Variants in N4BP2 observed in about 807,000 individuals in gnomAD.
N4BP2 encodes the protein NEDD4-binding protein 2.
Under a neutral mutation model 152.8 loss-of-function variants are expected in N4BP2, and 91 were observed. The ratio of observed to expected loss-of-function variants is 0.60; its 90% CI spans 0.50 to 0.71. N4BP2 has a LOEUF of 0.71. N4BP2 is among the 30% of genes least tolerant of loss of function. N4BP2 has a pLI of 0.00. For synonymous variants in N4BP2, 646 were observed against 705.3 expected (o/e 0.92, Z 1.33); for missense variants, 1,923 against 2,059.1 (o/e 0.93, Z 1.28).
the N4BP2 span, among the ~76,000 whole-genome samples, chr4:40,169,930 C>T: frequency 1.4e-5 from 2 of 146,384 alleles, no homozygotes; most frequent in African/African-American, 2.5e-5. Context: ...CACCATTGCA[C>T]TCCAGCCTGG....
At position 40,102,836 on chromosome 4, in the gene N4BP2, C is replaced by G; in HGVS notation, c.991C>G (p.His331Asp). Residue 331 changes from histidine to aspartate, a missense_variant, in exon 4 of 18, where the codon CAT (histidine) becomes GAT (aspartate). His to Asp is a moderately conservative substitution (Grantham distance 81). Transcript: ENST00000261435. ...SEGFNFKPHK[H>D]PELPTKGKDV... is the part of the protein sequence containing the mutation. ...AGGGTTCAACTTCAAGCCACACAAA[C>G]ATCCTGAACTGCCAACTAAGGGGAA... 1 of 1,614,184 alleles carries G rather than the reference C, an allele frequency of 6.2e-7. No individual in the cohort carries two copies. Among genetic ancestry groups the G allele is most frequent in the Non-Finnish European group, 8.5e-7 (1 of 1,180,040 alleles).
intron 4 of N4BP2, among the ~76,000 whole-genome samples, chr4:40,104,142 C>T (rs1199579389): frequency 6.6e-6 from 1 of 151,860 alleles, no homozygotes. Context: ...TTAGTAGAGA[C>T]GGGGTTTCAC....
chr4:40,097,497 A>G lies in N4BP2; in HGVS notation c.157A>G (p.Ser53Gly). Residue 53 changes from serine to glycine, a missense_variant, in exon 3 of 18, where the codon AGT becomes GGT. By Grantham distance (56) the Ser-to-Gly change is moderately conservative. Transcript: ENST00000261435. ...TKVDQEELFTSISEIFSDLDP... is the reference protein window; with the variant it reads ...TKVDQEELFTGISEIFSDLDP... ...AGTTGATCAGGAAGAACTCTTCACC[A>G]GTATCTCAGAGATATTTTCTGATCT... 1 of 1,614,036 alleles carries G rather than the reference A, an allele frequency of 6.2e-7. No individual in the cohort carries two copies. Among genetic ancestry groups the G allele is most frequent in the Non-Finnish European group, 8.5e-7 (1 of 1,179,922 alleles).
At chr4:40,069,316 G>A (rs984158270) in intron 1 of N4BP2, among the ~76,000 whole-genome samples, 18 of 151,652 alleles carry the variant, frequency 1.2e-4, no homozygotes, top group Admixed American at 1.2e-3. Flanking sequence ...GTTCTTGCCT[G>A]TAATCCCAGC....
At chr4:40,074,082 G>A (rs767187834) in intron 2 of N4BP2, among the ~76,000 whole-genome samples, 2 of 150,858 alleles carry the variant, frequency 1.3e-5, no homozygotes, top group African/African-American at 4.9e-5. Context: ...GTGAGCCACC[G>A]AGCCCTGCTT....
At chr4:40,076,838 C>T (rs1456628951) in intron 2 of N4BP2, among the ~76,000 whole-genome samples, 1 of 152,176 alleles carries the variant, frequency 6.6e-6, no homozygotes, top group East Asian at 1.9e-4. Flanking sequence ...GAGATTTTAG[C>T]ATCTACCTTT....
intron 1 of N4BP2, among the ~76,000 whole-genome samples, chr4:40,067,356 CTT>C (rs34777132): frequency 2.6e-3 from 376 of 145,456 alleles, no homozygotes; most frequent in Non-Finnish European, 2.8e-3. Context: ...GCCTGGCCTC[CTT>C]TTTTTTTTTT....
chr4:40,120,116 A>G lies in N4BP2; in HGVS notation c.2005A>G (p.Asn669Asp). Residue 669 changes from asparagine to aspartate, a missense_variant, in exon 9 of 18, where the codon AAT (asparagine) becomes GAT (aspartate). Transcript: ENST00000261435. The part of the protein sequence containing the change: ...NKRRKEISDM[N>D]PSIQSALILE... ...AAGAAGAAAAGAAATAAGTGATATG[A>G]ATCCTAGCATTCAAAGTGCTTTAAT... 1 of 1,611,960 alleles carries G rather than the reference A, an allele frequency of 6.2e-7. No homozygotes were observed. The highest frequency in any genetic ancestry group is 8.5e-7 in the Non-Finnish European group (1 of 1,179,320).
At chr4:40,107,583 C>T (rs1055143744) in intron 5 of N4BP2, among the ~76,000 whole-genome samples, 7 of 152,024 alleles carry the variant, frequency 4.6e-5, no homozygotes, top group South Asian at 2.1e-4. Flanking sequence ...GGGGTTTCCC[C>T]GTGTTGGCCA....
In N4BP2 at chr4:40,071,554, T is replaced by A. The variant is rs192230637; in HGVS notation, c.-211-1901T>A. ...TAATCTATAGGGTGGTACTTTGACA[T>A]CAGGTAAATTTTTTATTTTTTATTT... is the stretch of plus-strand genomic sequence containing the variant. On this transcript the variant is annotated intron_variant, in intron 1 of 17. Transcript: ENST00000261435. Among the ~76,000 whole-genome samples the A allele has an allele frequency of 6.5e-4, 99 of 152,238 alleles. No homozygotes were observed. In the Middle Eastern group the frequency reaches 0.014, roughly 21 times the overall value.
intron 5 of N4BP2, among the ~76,000 whole-genome samples, chr4:40,109,221 C>G (rs538633927): frequency 1.3e-5 from 2 of 152,056 alleles, no homozygotes; most frequent in Non-Finnish European, 2.9e-5. Flanking sequence ...ATTAAGAATT[C>G]AGGAATCTGA....
At chr4:40,109,965 T>C (rs1347552801) in intron 5 of N4BP2, among the ~76,000 whole-genome samples, 1 of 152,232 alleles carries the variant, frequency 6.6e-6, no homozygotes, top group Non-Finnish European at 1.5e-5. Flanking sequence ...TTTTAGAACA[T>C]TTTTATCATC....
At chr4:40,125,621 C>T (rs1304709002) in intron 11 of N4BP2, among the ~76,000 whole-genome samples, 1 of 152,208 alleles carries the variant, frequency 6.6e-6, no homozygotes, top group Admixed American at 6.5e-5. Context: ...TGCGGTGGCT[C>T]ACGCCTGTAA....
intron 8 of N4BP2, 101 bp from the exon 9 acceptor site, chr4:40,119,831 A>C (rs941239597): frequency 3.6e-6 from 2 of 552,496 alleles, no homozygotes; most frequent in Non-Finnish European, 6.4e-6. Context: ...AATTTTCAGA[A>C]TAACTGTTAA....
chr4:40,095,753 A>C (rs537709500), intron 2 of N4BP2, among the ~76,000 whole-genome samples: 2 of 152,342 alleles, frequency 1.3e-5, no homozygotes, highest in African/African-American at 4.8e-5. Context: ...TTGAACAAAA[A>C]TTTGAAGGAG....
Position 40,121,665 on chromosome 4 carries a change from T to C in N4BP2, c.3554T>C (p.Ile1185Thr). 6.2e-7 allele frequency: 1 copy of C among 1,614,160 alleles called. No individual in the cohort carries two copies. The highest frequency in any genetic ancestry group is 1.1e-5 in the South Asian group (1 of 91,082). The change falls in exon 9 of 18, where the codon ATT becomes ACT. Residue 1185 changes from isoleucine to threonine, a missense_variant. Coordinates refer to ENST00000261435, the MANE Select transcript of N4BP2 (RefSeq NM_018177.6). ...PVPEFSHGIG[I>T]SNADSQSTCD... ...CCAGAGTTTAGCCATGGGATTGGTATTAGTAACGCTGACTCACAGTCTACT... is the reference window on the plus strand; with the variant it reads ...CCAGAGTTTAGCCATGGGATTGGTACTAGTAACGCTGACTCACAGTCTACT...
At position 40,078,528 on chromosome 4, in the gene N4BP2, T is replaced by A. The variant is rs537194719; in HGVS notation, c.-115+4977T>A. On this transcript the variant is annotated intron_variant, in intron 2 of 17. Transcript: ENST00000261435. The stretch of plus-strand genomic sequence containing the variant: ...TGGAATTAATATCCTTTTTTTTTTT[T>A]TACTTTTTTTCTTTGAGTCAGGGTC... 4.6e-5 allele frequency among the ~76,000 whole-genome samples: 7 copies of A among 151,988 alleles called. 1 individual carries two copies. The East Asian group carries it at 1.4e-3, about 29-fold the overall frequency.
chr4:40,183,138 T>C, the N4BP2 span, among the ~76,000 whole-genome samples: 3 of 152,198 alleles, frequency 2.0e-5, no homozygotes, highest in East Asian at 5.8e-4. Flanking sequence ...AATGCACAGA[T>C]ACAATCCCAA....
chr4:40,147,368 C>T (rs2110042709), intron 16 of N4BP2, among the ~76,000 whole-genome samples: 1 of 152,372 alleles, frequency 6.6e-6, no homozygotes, highest in East Asian at 1.9e-4. Flanking sequence ...CACCTTTTCC[C>T]CTTTTCTATT....
Sources: gnomAD v4.1 joint callset for allele counts (sites outside exome capture counted in the v4.1 genomes callset) on GRCh38, gnomAD v4.1.1 for gene constraint, MANE v1.5 for transcripts, NCBI Gene and HGNC (gene_info 2026-07-23, HGNC 2026-07-21) for gene names.